The following ITGA1 variants were observed in gnomAD, a reference collection of about 807,000 sequenced individuals.
The protein encoded by ITGA1 is integrin subunit alpha 1, also known as integrin alpha-1.
Under a neutral mutation model 145.9 loss-of-function variants are expected in ITGA1, and 85 were observed. The observed-to-expected ratio is 0.58, with a 90% CI of 0.49 to 0.70. ITGA1 has a LOEUF of 0.70. ITGA1 is among the 30% of genes least tolerant of loss of function. The pLI, the probability that ITGA1 is intolerant of heterozygous loss-of-function variation, is 0.00. For missense variants in ITGA1, 1,351 were observed against 1,418.7 expected (o/e 0.95, Z 0.77); for synonymous variants, 520 against 495.3 (o/e 1.05, Z -0.66).
intron 21 of ITGA1, among the ~76,000 whole-genome samples, chr5:52,930,039 C>T (rs1198817201): frequency 6.6e-6 from 1 of 152,100 alleles, no homozygotes; most frequent in Non-Finnish European, 1.5e-5. Context: ...ACTGGCTGCC[C>T]ATCAAGGTCA....
chr5:52,807,639 TTATTC>T (rs2111678461), intron 1 of ITGA1, among the ~76,000 whole-genome samples: 1 of 152,332 alleles, frequency 6.6e-6, no homozygotes, highest in African/African-American at 2.4e-5. Flanking sequence ...TTTAATGTTT[TTATTC>T]TATTATTTTG....
intron 1 of ITGA1, among the ~76,000 whole-genome samples, chr5:52,836,345 T>C (rs532332400): frequency 6.6e-6 from 1 of 152,346 alleles, no homozygotes; most frequent in South Asian, 2.1e-4. Flanking sequence ...GGACAAGTCC[T>C]GACAAAATTA....
At chr5:52,909,283 G>A (rs922933998) in intron 13 of ITGA1, among the ~76,000 whole-genome samples, 1 of 151,990 alleles carries the variant, frequency 6.6e-6, no homozygotes, top group Admixed American at 6.6e-5. Flanking sequence ...ATAGGATAAA[G>A]GAGGTAAATA....
intron 7 of ITGA1, among the ~76,000 whole-genome samples, chr5:52,885,455 C>A (rs1285798194): frequency 6.6e-6 from 1 of 151,986 alleles, no homozygotes; most frequent in Admixed American, 6.6e-5. Context: ...AGGTTAAAGA[C>A]CATATATTAG....
rs1354898085 is a variant in ITGA1, at chr5:52,911,562, C to G, written c.1857+1143C>G. Among the ~76,000 whole-genome samples, 20 of 50,920 alleles carry G rather than the reference C, an allele frequency of 3.9e-4. 2 individuals are homozygous for G. Among genetic ancestry groups the G allele is most frequent in the Non-Finnish European group, 3.6e-4 (8 of 22,066 alleles). The allele number at this position is 50,920 out of a possible 152,430, so 33.4% of individuals were successfully genotyped here. On this transcript the variant is annotated intron_variant, in intron 14 of 28. Transcript: ENST00000282588. ...GATACATATACTATATATAGTGTAT[C>G]TACTATATATACTATATATATAGTG...
At chr5:52,933,071 T>C (rs925330376) in intron 22 of ITGA1, 34 of 152,074 alleles carry the variant, frequency 2.2e-4, no homozygotes, top group Non-Finnish European at 4.0e-4. Flanking sequence ...GCAAGTAATA[T>C]ATAGCAACTA....
At chr5:52,795,157 T>G (rs1748316537) in intron 1 of ITGA1, among the ~76,000 whole-genome samples, 1 of 151,940 alleles carries the variant, frequency 6.6e-6, no homozygotes, top group African/African-American at 2.4e-5. Flanking sequence ...CCATTAATTT[T>G]TGCATACTAA....
At chr5:52,928,675 T>C (rs1336896904) in intron 20 of ITGA1, among the ~76,000 whole-genome samples, 3 of 152,180 alleles carry the variant, frequency 2.0e-5, no homozygotes, top group African/African-American at 7.2e-5. Context: ...CAAATATCAA[T>C]TGACTTTTAT....
chr5:52,834,612 GAAGA>G (rs1280560698), intron 1 of ITGA1, among the ~76,000 whole-genome samples: 8 of 148,324 alleles, frequency 5.4e-5, no homozygotes, highest in East Asian at 2.0e-4. Context: ...GAGAGAGAAA[GAAGA>G]AAGAAAGGGA....
intron 7 of ITGA1, 69 bp downstream of exon 7, chr5:52,882,090 G>C (rs550573646): frequency 9.8e-6 from 13 of 1,324,942 alleles, no homozygotes; most frequent in Non-Finnish European, 1.3e-5. Flanking sequence ...TAGCCTTTTG[G>C]CATATCAATT....
chr5:52,861,862 C>A (rs1471559807), intron 3 of ITGA1, among the ~76,000 whole-genome samples: 2 of 85,026 alleles, frequency 2.4e-5, no homozygotes, highest in African/African-American at 1.0e-4. Flanking sequence ...AGAGTGAGAC[C>A]CTGTCTCAAA....
At position 52,957,075 on chromosome 5, in the gene ITGA1, G is replaced by C. The variant is rs956122654; in HGVS notation, c.*4624G>C. ...TTAAACTGTAACATTGTAATCGGAC[G>C]AACAAATCAGCATCTTTGATCCTCA... On this transcript the variant is annotated 3_prime_UTR_variant, in exon 29 of 29. Transcript: ENST00000282588. 6.6e-6 allele frequency: 1 copy of C among 152,260 alleles called. No homozygotes were observed. Among genetic ancestry groups the C allele is most frequent in the East Asian group, 1.9e-4 (1 of 5,172 alleles). 9.4% of individuals were successfully genotyped at this position (152,260 alleles called of 1,614,324 possible).
At chr5:52,831,714 A>G (rs1749073454) in intron 1 of ITGA1, among the ~76,000 whole-genome samples, 1 of 151,816 alleles carries the variant, frequency 6.6e-6, no homozygotes, top group Non-Finnish European at 1.5e-5. Flanking sequence ...CAGAGACAAT[A>G]TATTTTTTTT....
chr5:52,926,858 A>G (rs1750819334), intron 19 of ITGA1, among the ~76,000 whole-genome samples: 1 of 152,080 alleles, frequency 6.6e-6, no homozygotes, highest in African/African-American at 2.4e-5. Context: ...TGTACTAAGG[A>G]TTTCACTTAT....
intron 7 of ITGA1, among the ~76,000 whole-genome samples, chr5:52,883,678 A>G (rs1750001493): frequency 6.6e-6 from 1 of 152,122 alleles, no homozygotes; most frequent in Non-Finnish European, 1.5e-5. Flanking sequence ...ACTTTTGTCA[A>G]TAAACTTACA....
intron 2 of ITGA1, among the ~76,000 whole-genome samples, chr5:52,852,188 A>G (rs1031883481): frequency 3.3e-5 from 5 of 152,156 alleles, no homozygotes; most frequent in Admixed American, 3.3e-4. Flanking sequence ...CAGGTCTCAT[A>G]TTGGGATGAA....
At chr5:52,794,512 C>CACACACACAA (rs1339905327) in intron 1 of ITGA1, among the ~76,000 whole-genome samples, 1 of 150,584 alleles carries the variant, frequency 6.6e-6, no homozygotes, top group Non-Finnish European at 1.5e-5. Flanking sequence ...CACACACACA[C>CACACACACAA]ACACACACAC....
intron 7 of ITGA1, among the ~76,000 whole-genome samples, chr5:52,884,670 GGGATTCTTGCTAGACTGGCTCAACA>G: frequency 6.6e-6 from 1 of 152,122 alleles, no homozygotes. Context: ...CAAGGCTAGG[GGGATTCTTGCTAGACTGGCTCAACA>G]GGATTCTTGC....
chr5:52,898,579 C>A (rs1750267749), intron 11 of ITGA1, among the ~76,000 whole-genome samples, 196 bp downstream of exon 11: 1 of 151,992 alleles, frequency 6.6e-6, no homozygotes, highest in African/African-American at 2.4e-5. Context: ...CATGGGGGTC[C>A]TTTTTTGTTA....
Sources: gnomAD v4.1 joint callset for allele counts (sites outside exome capture counted in the v4.1 genomes callset) on GRCh38, gnomAD v4.1.1 for gene constraint, MANE v1.5 for transcripts, NCBI Gene and HGNC (gene_info 2026-07-23, HGNC 2026-07-21) for gene names.